The following CUX1 variants were observed in gnomAD, a reference collection of about 807,000 sequenced individuals.
The protein encoded by CUX1 is cut like homeobox 1.
In CUX1, 31 loss-of-function variants were observed where a neutral mutation model predicts 158.8. The ratio of observed to expected loss-of-function variants is 0.20; its 90% CI spans 0.15 to 0.26. The LOEUF (loss-of-function observed/expected upper bound fraction) is 0.26, where lower values mean the gene tolerates loss of function less well. Ranked by LOEUF, CUX1 falls within the 10% of genes least tolerant of loss-of-function variation. The pLI is 1.00. For missense variants in CUX1, 1,589 were observed against 2,014.6 expected (o/e 0.79, Z 4.04); for synonymous variants, 879 against 862.1 (o/e 1.02, Z -0.34).
At chr7:101,954,836 C>T (rs902428293) in intron 2 of CUX1, among the ~76,000 whole-genome samples, 4 of 151,974 alleles carry the variant, frequency 2.6e-5, no homozygotes, top group Admixed American at 6.6e-5. Flanking sequence ...GGCTGAGGAT[C>T]GGATGCATTA....
chr7:101,921,715 G>C (rs1440387062), intron 2 of CUX1, among the ~76,000 whole-genome samples: 11 of 152,156 alleles, frequency 7.2e-5, no homozygotes, highest in Admixed American at 7.2e-4. Flanking sequence ...ACCCGCCTCG[G>C]CCTCCCGAAG....
chr7:101,991,149 T>C (rs577375321), intron 2 of CUX1, among the ~76,000 whole-genome samples: 1 of 152,150 alleles, frequency 6.6e-6, no homozygotes, highest in Non-Finnish European at 1.5e-5. Context: ...GGGTGGCTTA[T>C]GAGATCCAGT....
At chr7:101,975,135 C>T (rs146435205) in intron 2 of CUX1, among the ~76,000 whole-genome samples, 21 of 152,176 alleles carry the variant, frequency 1.4e-4, no homozygotes, top group African/African-American at 5.1e-4. Flanking sequence ...CCTGTAATCT[C>T]AGCTGCTCAG....
chr7:102,230,657 A>T (rs1302161274), intron 21 of CUX1, among the ~76,000 whole-genome samples: 1 of 152,132 alleles, frequency 6.6e-6, no homozygotes, highest in Non-Finnish European at 1.5e-5. Flanking sequence ...TATCAATGAG[A>T]CCTTATATAA....
chr7:102,046,833 G>A (rs993179209), intron 3 of CUX1, among the ~76,000 whole-genome samples: 2 of 151,858 alleles, frequency 1.3e-5, no homozygotes, highest in East Asian at 1.9e-4. Flanking sequence ...CTCCCACAAA[G>A]GCCTCCCAAA....
chr7:102,091,958 A>G (rs1309588537), intron 4 of CUX1, among the ~76,000 whole-genome samples: 3 of 152,006 alleles, frequency 2.0e-5, no homozygotes, highest in African/African-American at 7.2e-5. Context: ...GTTTCACCGT[A>G]TTGGCCAGGC....
At chr7:101,904,064 G>T (rs954381412) in intron 1 of CUX1, among the ~76,000 whole-genome samples, 2 of 151,924 alleles carry the variant, frequency 1.3e-5, no homozygotes, top group South Asian at 2.1e-4. Context: ...AGGCTGAGGT[G>T]GGGGGCGGTC....
chr7:102,246,094 A>G (rs1429946196), intron 23 of CUX1, among the ~76,000 whole-genome samples: 1 of 152,180 alleles, frequency 6.6e-6, no homozygotes, highest in Non-Finnish European at 1.5e-5. Flanking sequence ...ATCCAACCCA[A>G]GTGTGCCTGC....
At chr7:102,155,699 C>G (rs1789677402) in intron 8 of CUX1, among the ~76,000 whole-genome samples, 1 of 152,176 alleles carries the variant, frequency 6.6e-6, no homozygotes, top group African/African-American at 2.4e-5. Flanking sequence ...TTATCCTTTT[C>G]TGATATGTTT....
At chr7:102,178,686 C>T (rs1554512913) in intron 11 of CUX1, 29 bp downstream of exon 11, 1 of 1,581,604 alleles carries the variant, frequency 6.3e-7, no homozygotes. Flanking sequence ...CCGGGGGTGG[C>T]CCGAGGAGGC....
intron 1 of CUX1, among the ~76,000 whole-genome samples, chr7:101,893,112 A>G (rs1443533997): frequency 6.6e-6 from 1 of 150,450 alleles, no homozygotes; most frequent in Non-Finnish European, 1.5e-5. Flanking sequence ...GCTTTCTGAT[A>G]GAAAAGTCCT....
rs576886196 is a variant in CUX1, at chr7:102,129,291, A to G, written c.674+14018A>G. ...AGGGACCCTAAATTTTAAAATCTGC[A>G]TCAGTCACCATTGAGGTGCCACTAA... is the stretch of plus-strand genomic sequence containing the variant. On this transcript the variant is annotated intron_variant, in intron 8 of 23. Coordinates refer to ENST00000292535, the MANE Select transcript of CUX1 (RefSeq NM_181552.4). Among the ~76,000 whole-genome samples the G allele has an allele frequency of 3.9e-5, 6 of 152,330 alleles. No homozygotes were observed. In the South Asian group the frequency reaches 1.0e-3, roughly 26 times the overall value.
intron 14 of CUX1, among the ~76,000 whole-genome samples, chr7:102,273,082 C>T (rs964955221): frequency 6.6e-6 from 1 of 152,268 alleles, no homozygotes; most frequent in Non-Finnish European, 1.5e-5. Flanking sequence ...ACCGGTTTCT[C>T]CTAATCCCTG....
chr7:102,214,477 C>T (rs1167025226), intron 20 of CUX1, among the ~76,000 whole-genome samples: 21 of 152,204 alleles, frequency 1.4e-4, no homozygotes, highest in African/African-American at 5.1e-4. Flanking sequence ...TCAGTGACAG[C>T]ATGGAAGCCA....
At chr7:101,975,850 A>G (rs1009826710) in intron 2 of CUX1, among the ~76,000 whole-genome samples, 13 of 152,252 alleles carry the variant, frequency 8.5e-5, no homozygotes, top group African/African-American at 2.9e-4. Context: ...TTTAAAGAGC[A>G]TGAATTAAGG....
Position 102,201,469 on chromosome 7 carries a change from C to T in CUX1, c.2172C>T (p.Leu724=), listed in dbSNP as rs1795431856. Residue 724 remains leucine, a synonymous_variant, in exon 18 of 24, where the codon CTC becomes CTT. Transcript: ENST00000292535. The surrounding 1 kb of genome is among the most constrained non-coding windows in gnomAD (Gnocchi z 5.0). The part of the protein sequence containing the change: ...RREMEAQQAA[L]DPALKQAPLS... ...AGATGGAGGCCCAGCAGGCTGCCCT[C>T]GACCCTGCCTTAAAGCAGGCACCAC... 5.6e-6 allele frequency: 9 copies of T among 1,614,112 alleles called. No homozygotes were observed. The highest frequency in any genetic ancestry group is 1.1e-5 in the South Asian group (1 of 91,082).
intron 4 of CUX1, among the ~76,000 whole-genome samples, chr7:102,084,208 T>A (rs1236104131): frequency 7.1e-6 from 1 of 140,228 alleles, no homozygotes; most frequent in Non-Finnish European, 1.6e-5. Flanking sequence ...GTTTTCCAAT[T>A]GTTTGTTGCT....
intron 1 of CUX1, among the ~76,000 whole-genome samples, chr7:101,914,732 C>T (rs556790028): frequency 2.0e-5 from 3 of 152,062 alleles, no homozygotes; most frequent in Non-Finnish European, 4.4e-5. Context: ...CTCCTGACCT[C>T]GGGTGATCCA....
At chr7:102,114,206 T>A (rs1478817047) in intron 7 of CUX1, among the ~76,000 whole-genome samples, 1 of 152,226 alleles carries the variant, frequency 6.6e-6, no homozygotes, top group Non-Finnish European at 1.5e-5. Context: ...AAAAAAGATA[T>A]ATACACACAC....
Sources: gnomAD v4.1 joint callset for allele counts (sites outside exome capture counted in the v4.1 genomes callset) on GRCh38, gnomAD v4.1.1 for gene constraint, Gnocchi (gnomAD v3.1) non-coding constraint, MANE v1.5 for transcripts, NCBI Gene and HGNC (gene_info 2026-07-23, HGNC 2026-07-21) for gene names.